Variants in FANCB observed in about 807,000 individuals in gnomAD.
The protein encoded by FANCB is FA complementation group B.
A neutral mutation model predicts 38.9 loss-of-function variants in FANCB; 5 were observed. That is an observed-to-expected ratio of 0.13 (90% CI 0.07 to 0.27). FANCB has a LOEUF of 0.27. Ranked by LOEUF, FANCB falls within the 10% of genes least tolerant of loss-of-function variation. FANCB has a pLI of 1.00. For missense variants in FANCB, 573 were observed against 602.7 expected, an observed-to-expected ratio of 0.95 and a Z score of 0.52; for synonymous variants, 236 against 215.4, an observed-to-expected ratio of 1.10 and a Z score of -0.84.
chrX:14,852,847 A>G (rs1454647672), intron 6 of FANCB, among the ~76,000 whole-genome samples, 192 bp downstream of exon 6: 1 of 112,216 alleles, frequency 8.9e-6, no homozygotes, highest in Non-Finnish European at 1.9e-5. Context: ...ATAAATTGAT[A>G]AAATATTGGC....
At chrX:14,760,896 G>A in the FANCB span, among the ~76,000 whole-genome samples, 5 of 111,277 alleles carry the variant, frequency 4.5e-5, no homozygotes, top group Admixed American at 2.9e-4. Context: ...ACTTGAACCC[G>A]GGAGGCCGAG....
downstream of FANCB, among the ~76,000 whole-genome samples, chrX:14,842,529 TGACG>T (rs2092358131): frequency 8.9e-6 from 1 of 112,129 alleles, no homozygotes; most frequent in South Asian, 3.6e-4. Context: ...TTCTTTCTCC[TGACG>T]TTCTCTTATT....
chrX:14,803,196 T>C, the FANCB span, among the ~76,000 whole-genome samples: 1 of 112,289 alleles, frequency 8.9e-6, no homozygotes, highest in South Asian at 3.7e-4. Context: ...GATGTTTGCA[T>C]GGGTGGAGAA....
chrX:14,775,164 T>TTTTG, the FANCB span, among the ~76,000 whole-genome samples: 210 of 69,385 alleles, frequency 3.0e-3, 2 homozygotes, highest in Non-Finnish European at 4.6e-3. Flanking sequence ...TCTAATGTTT[T>TTTTG]TTTTTTTTTT....
At chrX:14,702,313 G>C in the FANCB span, among the ~76,000 whole-genome samples, 1 of 111,512 alleles carries the variant, frequency 9.0e-6, no homozygotes, top group South Asian at 3.7e-4. Flanking sequence ...TATATAGAAA[G>C]GATCAGATTG....
rs1312005700 is a variant in FANCB, at chrX:14,844,529, G to A, written c.2139C>T (p.Phe713=). The A allele has an allele frequency of 5.0e-6, 6 of 1,200,907 alleles. No homozygotes were observed. The highest frequency in any genetic ancestry group is 4.3e-5 in the Admixed American group (2 of 46,015). The change falls in exon 9 of 10, where the codon TTC becomes TTT. Residue 713 remains phenylalanine, a synonymous_variant. Coordinates refer to ENST00000650831, the MANE Select transcript of FANCB (RefSeq NM_001018113.3). ...TGGAATAGATTATTAAAATCCCTTCGAATGGTGTTCTCTGTTTCCAAGTGA... is the reference window on the plus strand; with the variant it reads ...TGGAATAGATTATTAAAATCCCTTCAAATGGTGTTCTCTGTTTCCAAGTGA... ...TLFTWKQRTP[F]EGILIIYSRN...
the FANCB span, among the ~76,000 whole-genome samples, chrX:14,736,994 A>C: frequency 9.1e-6 from 1 of 110,134 alleles, no homozygotes; most frequent in African/African-American, 3.3e-5. Flanking sequence ...GTCTCTACTA[A>C]AAATACAAAA....
chrX:14,714,380 G>C, the FANCB span, among the ~76,000 whole-genome samples: 2 of 111,298 alleles, frequency 1.8e-5, no homozygotes, highest in Non-Finnish European at 3.8e-5. Flanking sequence ...CAGTTCCCAA[G>C]AACAAATAAT....
At chrX:14,828,684 T>C in the FANCB span, among the ~76,000 whole-genome samples, 2 of 111,272 alleles carry the variant, frequency 1.8e-5, no homozygotes, top group Non-Finnish European at 3.8e-5. Context: ...AGGGCTGGAG[T>C]CAACTTTTCC....
At chrX:14,861,021 T>C (rs1300363915) in intron 3 of FANCB, among the ~76,000 whole-genome samples, 1 of 111,299 alleles carries the variant, frequency 9.0e-6, no homozygotes, top group Non-Finnish European at 1.9e-5. Flanking sequence ...TAGCTGGGAC[T>C]ACAGGCATAT....
chrX:14,776,104 C>A, the FANCB span, among the ~76,000 whole-genome samples: 1 of 73,750 alleles, frequency 1.4e-5, no homozygotes, highest in Non-Finnish European at 2.3e-5. Flanking sequence ...TGATAGCTCT[C>A]GAAATCACTG....
the FANCB span, among the ~76,000 whole-genome samples, chrX:14,702,398 T>C: frequency 8.9e-6 from 1 of 112,170 alleles, no homozygotes; most frequent in Non-Finnish European, 1.9e-5. Context: ...ATAAGTAGTC[T>C]ACACTTCCCT....
the FANCB span, among the ~76,000 whole-genome samples, chrX:14,772,522 C>T: frequency 8.9e-6 from 1 of 112,284 alleles, no homozygotes; most frequent in Non-Finnish European, 1.9e-5. Context: ...CCCAGGAACT[C>T]GAACCCTTCT....
At chrX:14,796,188 A>G in the FANCB span, among the ~76,000 whole-genome samples, 1 of 110,410 alleles carries the variant, frequency 9.1e-6, no homozygotes, top group African/African-American at 3.3e-5. Context: ...TGGGTCAGGA[A>G]TTTAGAAGTA....
the FANCB span, among the ~76,000 whole-genome samples, chrX:14,827,688 T>C: frequency 8.9e-6 from 1 of 112,091 alleles, no homozygotes; most frequent in African/African-American, 3.2e-5. Flanking sequence ...GTGGGATAGA[T>C]TTATTGAAGG....
At position 14,845,269 on chromosome X, in the gene FANCB, G is replaced by C; in HGVS notation, c.1514C>G (p.Thr505Ser). 8.3e-7 allele frequency: 1 copy of C among 1,208,607 alleles called. No individual in the cohort carries two copies. Among genetic ancestry groups the C allele is most frequent in the Non-Finnish European group, 1.1e-6 (1 of 893,259 alleles). Residue 505 changes from threonine (T) to serine (S), a missense_variant, in exon 8 of 10, where the codon ACT becomes AGT. Coordinates refer to ENST00000650831, the MANE Select transcript of FANCB (RefSeq NM_001018113.3). ...SSLKLSLNDV[T>S]LSLLMDQAHD... Reference sequence around the variant, plus strand: ...GGCTTGATCCATTAACAATGATAAAGTCACATCATTCAGGGACCTGTAAAA... The same window carrying C: ...GGCTTGATCCATTAACAATGATAAACTCACATCATTCAGGGACCTGTAAAA...
the FANCB span, among the ~76,000 whole-genome samples, chrX:14,744,286 T>C: frequency 8.9e-6 from 1 of 112,269 alleles, no homozygotes; most frequent in Non-Finnish European, 1.9e-5. Context: ...ATGTTTAAAA[T>C]AGTACCTATT....
chrX:14,739,032 C>T, the FANCB span, among the ~76,000 whole-genome samples: 1 of 111,674 alleles, frequency 9.0e-6, no homozygotes, highest in African/African-American at 3.3e-5. Context: ...AAGCCTAAAG[C>T]CAATTTGTGG....
At chrX:14,769,922 T>G in the FANCB span, among the ~76,000 whole-genome samples, 1 of 112,378 alleles carries the variant, frequency 8.9e-6, no homozygotes, top group African/African-American at 3.2e-5. Context: ...CCAAGAGTCA[T>G]TCAGGAGCAG....
Sources: gnomAD v4.1 joint callset for allele counts (sites outside exome capture counted in the v4.1 genomes callset) on GRCh38, gnomAD v4.1.1 for gene constraint, MANE v1.5 for transcripts, NCBI Gene and HGNC (gene_info 2026-07-23, HGNC 2026-07-21) for gene names.